Variants in NFIA observed in about 807,000 individuals in gnomAD.
The protein encoded by NFIA is nuclear factor 1 A-type.
NFIA carries 8 observed loss-of-function variants against 62.8 expected under a neutral mutation model. The ratio of observed to expected loss-of-function variants is 0.13; its 90% CI spans 0.07 to 0.23. The LOEUF is 0.23. NFIA is among the 10% of genes least tolerant of loss of function. The pLI, the probability that NFIA is intolerant of heterozygous loss-of-function variation, is 1.00. For synonymous variants in NFIA, 235 were observed against 238.1 expected (o/e 0.99, Z 0.12); for missense variants, 410 against 642.1 (o/e 0.64, Z 3.91).
chr1:61,185,762 C>T (rs1246907672), intron 2 of NFIA, among the ~76,000 whole-genome samples: 1 of 151,686 alleles, frequency 6.6e-6, no homozygotes, highest in Non-Finnish European at 1.5e-5. Flanking sequence ...TTCCCAGCTC[C>T]TTTTGTGGCT....
intron 2 of NFIA, among the ~76,000 whole-genome samples, chr1:61,098,337 C>T (rs1207146171): frequency 6.6e-6 from 1 of 152,136 alleles, no homozygotes; most frequent in African/African-American, 2.4e-5. Flanking sequence ...TAGATAAGAA[C>T]TTGGCAAAAG....
chr1:61,427,691 G>A (rs533489490), intron 10 of NFIA, among the ~76,000 whole-genome samples: 1 of 152,258 alleles, frequency 6.6e-6, no homozygotes, highest in South Asian at 2.1e-4. Flanking sequence ...ACTGAAGCAG[G>A]GTCACAGAAA....
chr1:61,368,687 A>C (rs561604751), intron 6 of NFIA, among the ~76,000 whole-genome samples: 1 of 152,240 alleles, frequency 6.6e-6, no homozygotes, highest in Non-Finnish European at 1.5e-5. Context: ...ACATATTTTT[A>C]ATATACGCAA....
chr1:61,269,763 TA>T (rs1189317370), intron 2 of NFIA, among the ~76,000 whole-genome samples: 2 of 152,238 alleles, frequency 1.3e-5, no homozygotes. Context: ...CTCATCAGCA[TA>T]GTCTAGCTCA....
chr1:61,120,770 T>C (rs1646874840), intron 2 of NFIA, among the ~76,000 whole-genome samples: 1 of 152,228 alleles, frequency 6.6e-6, no homozygotes, highest in African/African-American at 2.4e-5. Context: ...AAACTACTTT[T>C]TAAATAGCTT....
At chr1:61,083,738 C>T (rs1330712257) in intron 1 of NFIA, among the ~76,000 whole-genome samples, 3 of 151,336 alleles carry the variant, frequency 2.0e-5, no homozygotes, top group Admixed American at 1.3e-4. Flanking sequence ...AGCGGCGGCC[C>T]GGGCCGGACA....
At chr1:61,367,626 A>G (rs1226127085) in intron 6 of NFIA, among the ~76,000 whole-genome samples, 4 of 152,212 alleles carry the variant, frequency 2.6e-5, no homozygotes, top group Non-Finnish European at 4.4e-5. Context: ...ATAAGGGGTT[A>G]TGACAGGAAA....
chr1:61,334,056 A>G (rs1188826419), intron 4 of NFIA, among the ~76,000 whole-genome samples: 1 of 152,192 alleles, frequency 6.6e-6, no homozygotes, highest in Admixed American at 6.5e-5. Flanking sequence ...CTAAGTCTCT[A>G]TAATGCCAGT....
chr1:61,348,780 T>G (rs1662388449), intron 4 of NFIA, among the ~76,000 whole-genome samples: 1 of 152,200 alleles, frequency 6.6e-6, no homozygotes, highest in Non-Finnish European at 1.5e-5. Context: ...TCCCTCACAT[T>G]CACACTTTGC....
rs184762845 is a variant in NFIA, at chr1:61,422,811, C to A, written c.1421-3654C>A. On this transcript the variant is annotated intron_variant, in intron 9 of 10. Coordinates refer to ENST00000403491, the MANE Select transcript of NFIA (RefSeq NM_001134673.4). Reference sequence around the variant, plus strand: ...CCCTACTAACCCTCTCCACCCCACTCCCTCATGTCCATGTACCCCACAGTG... The same window carrying A: ...CCCTACTAACCCTCTCCACCCCACTACCTCATGTCCATGTACCCCACAGTG... Among the ~76,000 whole-genome samples, 225 of 151,926 alleles carry A rather than the reference C, an allele frequency of 1.5e-3. 1 individual carries two copies. The highest frequency in any genetic ancestry group is 1.5e-3 in the Non-Finnish European group (102 of 67,966).
At chr1:61,092,089 A>C (rs1557558925) in intron 2 of NFIA, among the ~76,000 whole-genome samples, 2 of 152,166 alleles carry the variant, frequency 1.3e-5, no homozygotes, top group African/African-American at 4.8e-5. Flanking sequence ...GGGACATTTA[A>C]AATCTAAAAT....
chr1:61,205,027 A>T (rs1185095409), intron 2 of NFIA, among the ~76,000 whole-genome samples: 1 of 152,186 alleles, frequency 6.6e-6, no homozygotes, highest in African/African-American at 2.4e-5. Flanking sequence ...ACACTGATGG[A>T]TTTAAAGCCC....
At chr1:61,105,153 T>A (rs17121608) in intron 2 of NFIA, among the ~76,000 whole-genome samples, 10,735 of 152,032 alleles carry the variant, frequency 0.071, 891 homozygotes, top group East Asian at 0.35. Flanking sequence ...ATTCCATGTT[T>A]CTGAAGTGTG....
At chr1:61,298,362 TAAATA>T (rs577257609) in intron 3 of NFIA, among the ~76,000 whole-genome samples, 1 of 152,202 alleles carries the variant, frequency 6.6e-6, no homozygotes, top group South Asian at 2.1e-4. Context: ...TTTAAAAAAA[TAAATA>T]AAATAAGTTA....
chr1:61,162,015 G>A (rs1327157544), intron 2 of NFIA, among the ~76,000 whole-genome samples: 2 of 152,152 alleles, frequency 1.3e-5, no homozygotes, highest in East Asian at 3.8e-4. Context: ...TAGTTATGAA[G>A]GACCTCATAG....
intron 2 of NFIA, among the ~76,000 whole-genome samples, chr1:61,176,967 A>G (rs556296410): frequency 3.3e-5 from 5 of 152,132 alleles, no homozygotes; most frequent in South Asian, 4.2e-4. Flanking sequence ...TTAGCTGGGC[A>G]TGGTGGCGGG....
chr1:61,084,812 G>T (rs1428583920), intron 1 of NFIA, among the ~76,000 whole-genome samples: 3 of 151,996 alleles, frequency 2.0e-5, no homozygotes, highest in Admixed American at 6.5e-5. Context: ...AACAAAGTTG[G>T]CCTCTGTTGG....
chr1:61,440,537 G>A (rs764782192), intron 10 of NFIA, among the ~76,000 whole-genome samples: 1 of 152,136 alleles, frequency 6.6e-6, no homozygotes, highest in Admixed American at 6.5e-5. Context: ...TGAAGAGTGA[G>A]TGGCACTACA....
chr1:61,376,525 G>A (rs966448601), intron 6 of NFIA, among the ~76,000 whole-genome samples: 1 of 152,150 alleles, frequency 6.6e-6, no homozygotes, highest in African/African-American at 2.4e-5. Context: ...GTGTGTGTTT[G>A]ATAAAATCTT....
Sources: allele counts gnomAD v4.1 joint callset (sites outside exome capture counted in the v4.1 genomes callset), GRCh38; gene constraint gnomAD v4.1.1; transcripts MANE v1.5; gene names NCBI Gene and HGNC (gene_info 2026-07-23, HGNC 2026-07-21).